Variants in ASCC3 observed in about 807,000 individuals in gnomAD.
ASCC3 encodes ASC-1 complex subunit P200.
In ASCC3, 158 loss-of-function variants were observed where a neutral mutation model predicts 256.3. That is an observed-to-expected ratio of 0.62 (90% CI 0.54 to 0.70). The LOEUF is 0.70. Among genes scored for constraint, ASCC3 ranks in the 30% least tolerant of loss-of-function variants. The pLI is 0.00. For missense variants in ASCC3, 2,259 were observed against 2,626.0 expected (o/e 0.86, Z 3.05); for synonymous variants, 948 against 883.4 (o/e 1.07, Z -1.30).
chr6:100,559,849 C>A (rs1282500694), intron 36 of ASCC3, among the ~76,000 whole-genome samples: 496 of 116,348 alleles, frequency 4.3e-3, no homozygotes, highest in Non-Finnish European at 4.4e-3. Flanking sequence ...GACTCCATCT[C>A]AAAAAAAAAA....
rs34575315 is a variant in ASCC3 at position 100,535,466 on chromosome 6, G to GTTTTTTT, written c.5775+4690_5775+4696dup. The stretch of plus-strand genomic sequence containing the variant: ...TTTAGAATATGAAGCTGGTTTTCGT[G>GTTTTTTT]TTTTTTTTTTTTTTTTTTTTTGAGA... On this transcript the variant is annotated intron_variant, in intron 37 of 41. Coordinates refer to ENST00000369162, the MANE Select transcript of ASCC3 (RefSeq NM_006828.4). 1.2e-4 allele frequency among the ~76,000 whole-genome samples: 12 copies of GTTTTTTT among 98,648 alleles called. 1 individual carries two copies. The highest frequency in any genetic ancestry group is 3.1e-4 in the East Asian group (1 of 3,226). The allele number at this position is 98,648 out of a possible 152,430, so 64.7% of individuals were successfully genotyped here.
chr6:100,816,422 G>A (rs896163595), intron 4 of ASCC3, among the ~76,000 whole-genome samples: 2 of 151,970 alleles, frequency 1.3e-5, no homozygotes, highest in African/African-American at 4.8e-5. Context: ...ATACCCAAAG[G>A]AATATAAATC....
intron 13 of ASCC3, 55 bp downstream of exon 13, chr6:100,715,407 T>C: frequency 6.9e-7 from 1 of 1,458,656 alleles, no homozygotes; most frequent in Non-Finnish European, 9.6e-7. Context: ...TTTTTATCAT[T>C]AAGCACTCTC....
In ASCC3 at chr6:100,510,269, C is replaced by G. The variant is rs1773697933; in HGVS notation, c.6286-162G>C. On this transcript the variant is annotated intron_variant, in intron 40 of 41. Transcript: ENST00000369162. ...ATTTTCTTCCATTCTGGTTTGGTGTCTTTGATATGCAATTATTTAACTTAC... is the reference window on the plus strand; with the variant it reads ...ATTTTCTTCCATTCTGGTTTGGTGTGTTTGATATGCAATTATTTAACTTAC... The G allele has an allele frequency of 4.2e-6, 3 of 706,422 alleles. No individual in the cohort carries two copies. The South Asian group carries it at 5.4e-5, about 13-fold the overall frequency. The allele number at this position is 706,422 out of a possible 1,614,324, so 43.8% of individuals were successfully genotyped here.
intron 37 of ASCC3, among the ~76,000 whole-genome samples, chr6:100,536,867 A>C (rs1213011012): frequency 2.6e-5 from 4 of 152,340 alleles, no homozygotes; most frequent in Admixed American, 2.0e-4. Context: ...ACAAGATGCC[A>C]GAATGCAAGG....
chr6:100,528,336 A>G (rs1331831589), intron 37 of ASCC3, among the ~76,000 whole-genome samples: 1 of 152,196 alleles, frequency 6.6e-6, no homozygotes, highest in Non-Finnish European at 1.5e-5. Flanking sequence ...AATCCCACCA[A>G]TATACTTGTA....
intron 4 of ASCC3, among the ~76,000 whole-genome samples, chr6:100,811,596 T>C (rs1164077762): frequency 6.6e-6 from 1 of 152,060 alleles, no homozygotes; most frequent in Non-Finnish European, 1.5e-5. Flanking sequence ...CTTTTGTCTT[T>C]AACAAGAGAA....
At chr6:100,859,234 C>T (rs1164936263) in intron 3 of ASCC3, 1 of 779,238 alleles carries the variant, frequency 1.3e-6, no homozygotes, top group African/African-American at 1.7e-5. Flanking sequence ...GCCAGGATCA[C>T]ATTTTCTGGG....
At chr6:100,516,908 G>A (rs536897538) in intron 38 of ASCC3, among the ~76,000 whole-genome samples, 1 of 152,094 alleles carries the variant, frequency 6.6e-6, no homozygotes, top group African/African-American at 2.4e-5. Flanking sequence ...GCCCCAAGCA[G>A]CTACCATAGC....
intron 13 of ASCC3, among the ~76,000 whole-genome samples, chr6:100,712,587 T>C (rs1778902271): frequency 6.6e-6 from 1 of 152,022 alleles, no homozygotes; most frequent in Non-Finnish European, 1.5e-5. Flanking sequence ...GAATGGCCAA[T>C]ATCCAAAATA....
intron 4 of ASCC3, among the ~76,000 whole-genome samples, chr6:100,836,598 G>C (rs545235617): frequency 6.6e-6 from 1 of 151,914 alleles, no homozygotes; most frequent in Non-Finnish European, 1.5e-5. Context: ...ATCCCTCTTG[G>C]TCATGGTGAA....
chr6:100,600,497 C>G (rs535114643), intron 34 of ASCC3, among the ~76,000 whole-genome samples: 1 of 152,054 alleles, frequency 6.6e-6, no homozygotes, highest in African/African-American at 2.4e-5. Flanking sequence ...ATATTTAGTA[C>G]CTAACCCAGA....
intron 13 of ASCC3, among the ~76,000 whole-genome samples, chr6:100,701,146 T>C (rs1187415587): frequency 6.6e-6 from 1 of 152,188 alleles, no homozygotes; most frequent in East Asian, 1.9e-4. Flanking sequence ...TGCATTCAAC[T>C]CCTAAACCAG....
chr6:100,570,576 C>T (rs1308903088), intron 36 of ASCC3, among the ~76,000 whole-genome samples: 1 of 150,408 alleles, frequency 6.6e-6, no homozygotes, highest in East Asian at 2.0e-4. Flanking sequence ...GTTGTCACAC[C>T]TTCCCCTCCT....
At chr6:100,713,011 G>T (rs1460570719) in intron 13 of ASCC3, among the ~76,000 whole-genome samples, 2 of 151,944 alleles carry the variant, frequency 1.3e-5, no homozygotes, top group Non-Finnish European at 2.9e-5. Flanking sequence ...ACCTGCCTCG[G>T]CCTCCCAAAG....
intron 36 of ASCC3, among the ~76,000 whole-genome samples, chr6:100,549,058 A>G (rs1274681443): frequency 6.6e-6 from 1 of 151,884 alleles, no homozygotes; most frequent in Non-Finnish European, 1.5e-5. Flanking sequence ...TGTGTAATGT[A>G]GGCACCTATT....
At chr6:100,533,221 C>A (rs1048291167) in intron 37 of ASCC3, among the ~76,000 whole-genome samples, 53 of 151,820 alleles carry the variant, frequency 3.5e-4, no homozygotes, top group African/African-American at 1.1e-3. Flanking sequence ...AAAACCTTTT[C>A]AACAGAATAG....
chr6:100,584,476 G>A (rs1300396943), intron 36 of ASCC3, among the ~76,000 whole-genome samples: 1 of 152,012 alleles, frequency 6.6e-6, no homozygotes, highest in Non-Finnish European at 1.5e-5. Flanking sequence ...GAGCCTATGT[G>A]TGTCTCTGCA....
At chr6:100,668,957 A>G (rs1325680634) in intron 14 of ASCC3, among the ~76,000 whole-genome samples, 1 of 151,712 alleles carries the variant, frequency 6.6e-6, no homozygotes, top group Non-Finnish European at 1.5e-5. Context: ...GTATCAGTCT[A>G]TTGATGTTCT....
Sources: gnomAD v4.1 joint callset for allele counts (sites outside exome capture counted in the v4.1 genomes callset) on GRCh38, gnomAD v4.1.1 for gene constraint, MANE v1.5 for transcripts, NCBI Gene and HGNC (gene_info 2026-07-23, HGNC 2026-07-21) for gene names.